Variants in RELL1 observed in about 807,000 individuals in gnomAD.
RELL1 encodes RELT like 1, also known as RELT-like protein 1.
In RELL1, 10 loss-of-function variants were observed where a neutral mutation model predicts 23.0. The observed-to-expected ratio is 0.43, with a 90% confidence interval of 0.27 to 0.74. RELL1 has a LOEUF of 0.74. Among genes scored for constraint, RELL1 ranks in the 30% least tolerant of loss-of-function variants. The pLI, the probability that RELL1 is intolerant of heterozygous loss-of-function variation, is 0.19. For synonymous variants in RELL1, 146 were observed against 146.8 expected (o/e 0.99, Z 0.04); for missense variants, 315 against 364.4 (o/e 0.86, Z 1.10).
intron 1 of RELL1, among the ~76,000 whole-genome samples, chr4:37,675,786 T>C (rs1262569921): frequency 6.6e-6 from 1 of 152,114 alleles, no homozygotes; most frequent in African/African-American, 2.4e-5. Context: ...TTCCATCTAC[T>C]CTTATCTCTT....
At chr4:37,624,481 G>T (rs1279346195) in intron 6 of RELL1, among the ~76,000 whole-genome samples, 4 of 146,588 alleles carry the variant, frequency 2.7e-5, no homozygotes, top group African/African-American at 1.0e-4. Flanking sequence ...GTGCAGTGCA[G>T]TGTGCAATCT....
chr4:37,593,868 C>A (rs1042375011), intron 6 of RELL1, among the ~76,000 whole-genome samples: 1 of 152,110 alleles, frequency 6.6e-6, no homozygotes, highest in African/African-American at 2.4e-5. Flanking sequence ...TACCGCTGCT[C>A]CAACTTCCCA....
intron 6 of RELL1, among the ~76,000 whole-genome samples, chr4:37,630,513 C>T (rs1458246482): frequency 6.6e-6 from 1 of 151,620 alleles, no homozygotes; most frequent in Non-Finnish European, 1.5e-5. Context: ...TACAGGTGCC[C>T]ACCACTACGC....
chr4:37,596,721 TATATATATATA>T (rs1718859123), intron 6 of RELL1, among the ~76,000 whole-genome samples: 3 of 12,878 alleles, frequency 2.3e-4, no homozygotes, highest in Non-Finnish European at 8.6e-4. Flanking sequence ...TATATATATA[TATATATATATA>T]TATATTTTTT....
chr4:37,604,844 C>CAT (rs1560323773), intron 6 of RELL1, among the ~76,000 whole-genome samples: 4 of 124,536 alleles, frequency 3.2e-5, no homozygotes, highest in South Asian at 2.6e-4. Flanking sequence ...CACACAGACA[C>CAT]ACACACAGAC....
At chr4:37,633,179 C>A (rs150092498) in intron 5 of RELL1, among the ~76,000 whole-genome samples, 1 of 152,124 alleles carries the variant, frequency 6.6e-6, no homozygotes, top group African/African-American at 2.4e-5. Context: ...GAGGCCAAGA[C>A]AGGTGGATCA....
At chr4:37,613,620 C>G (rs1694599061) in intron 6 of RELL1, among the ~76,000 whole-genome samples, 2 of 152,052 alleles carry the variant, frequency 1.3e-5, no homozygotes, top group South Asian at 4.1e-4. Flanking sequence ...CCTGCTTTTC[C>G]CATGTGATGT....
chr4:37,630,139 T>C (rs1336688681), intron 6 of RELL1, among the ~76,000 whole-genome samples: 1 of 150,860 alleles, frequency 6.6e-6, no homozygotes, highest in Non-Finnish European at 1.5e-5. Context: ...CCCTTCCCTA[T>C]GTAAGTGTAA....
At chr4:37,635,286 C>A (rs1311216925) in intron 4 of RELL1, among the ~76,000 whole-genome samples, 163 bp from the exon 5 acceptor site, 3 of 151,976 alleles carry the variant, frequency 2.0e-5, no homozygotes, top group Non-Finnish European at 2.9e-5. Flanking sequence ...ACAGCAGGTA[C>A]TCAGTTCTCA....
intron 1 of RELL1, among the ~76,000 whole-genome samples, chr4:37,652,966 ACT>A (rs1004062680): frequency 6.6e-6 from 1 of 152,114 alleles, no homozygotes; most frequent in Non-Finnish European, 1.5e-5. Flanking sequence ...ACTGTTCTGT[ACT>A]CTGTTTCCTC....
chr4:37,607,432 C>T (rs1319881751), downstream of RELL1, among the ~76,000 whole-genome samples: 1 of 152,188 alleles, frequency 6.6e-6, no homozygotes, highest in Non-Finnish European at 1.5e-5. Context: ...CAGTAACAGG[C>T]ATACCTCATT....
chr4:37,666,825 C>T (rs766378926), intron 1 of RELL1, among the ~76,000 whole-genome samples: 22 of 152,154 alleles, frequency 1.4e-4, no homozygotes, highest in Admixed American at 1.4e-3. Flanking sequence ...AATGACTAAA[C>T]AGAGAACTAC....
At chr4:37,640,911 A>G (rs1340302030) in intron 3 of RELL1, among the ~76,000 whole-genome samples, 3 of 152,236 alleles carry the variant, frequency 2.0e-5, no homozygotes, top group Admixed American at 1.3e-4. Flanking sequence ...GGAAAACAAC[A>G]CCAATAGGTA....
At chr4:37,609,230 C>A (rs1470108950), downstream of RELL1, among the ~76,000 whole-genome samples, 1 of 151,904 alleles carries the variant, frequency 6.6e-6, no homozygotes, top group Non-Finnish European at 1.5e-5. Flanking sequence ...TCATAAGGCC[C>A]TTAAGAATTA....
chr4:37,654,953 T>G (rs1014387756), intron 1 of RELL1, among the ~76,000 whole-genome samples: 4 of 152,178 alleles, frequency 2.6e-5, no homozygotes, highest in African/African-American at 9.7e-5. Context: ...AAATTTAATT[T>G]TATCTTTATA....
intron 6 of RELL1, among the ~76,000 whole-genome samples, chr4:37,627,781 T>C (rs535531317): frequency 2.0e-4 from 30 of 152,346 alleles, no homozygotes; most frequent in Admixed American, 9.1e-4. Flanking sequence ...AAACAAAACA[T>C]TGCAGTAAAA....
intron 6 of RELL1, among the ~76,000 whole-genome samples, chr4:37,602,125 G>T (rs768127407): frequency 4.7e-5 from 7 of 150,512 alleles, no homozygotes; most frequent in African/African-American, 7.3e-5. Flanking sequence ...GCTCAGGTGG[G>T]AGGATTGCTT....
At chr4:37,614,590 G>A (rs891227573) in intron 6 of RELL1, among the ~76,000 whole-genome samples, 1 of 151,842 alleles carries the variant, frequency 6.6e-6, no homozygotes, top group Non-Finnish European at 1.5e-5. Flanking sequence ...CTACTTTCAG[G>A]TAGGTGTCAA....
At chr4:37,629,727 T>A (rs998388717) in intron 6 of RELL1, among the ~76,000 whole-genome samples, 18 of 152,136 alleles carry the variant, frequency 1.2e-4, no homozygotes, top group African/African-American at 4.3e-4. Context: ...CTCAGAAAAT[T>A]TAGGTGCACA....
Sources: allele counts gnomAD v4.1 joint callset (sites outside exome capture counted in the v4.1 genomes callset), GRCh38; gene constraint gnomAD v4.1.1; transcripts MANE v1.5; gene names NCBI Gene and HGNC (gene_info 2026-07-23, HGNC 2026-07-21).